PDE3A: variants seen among roughly 807,000 people sequenced by gnomAD.
The protein encoded by PDE3A is cGMP-inhibited 3',5'-cyclic phosphodiesterase 3A.
PDE3A carries 43 observed loss-of-function variants against 98.3 expected under a neutral mutation model. That is an observed-to-expected ratio of 0.44 (90% CI 0.34 to 0.56). PDE3A has a LOEUF of 0.56. Ranked by LOEUF, PDE3A falls within the 20% of genes least tolerant of loss-of-function variation. PDE3A has a pLI of 0.01. For missense variants in PDE3A, 1,427 were observed against 1,440.7 expected (o/e 0.99, Z 0.15); for synonymous variants, 663 against 567.9 (o/e 1.17, Z -2.38).
intron 1 of PDE3A, among the ~76,000 whole-genome samples, chr12:20,373,364 C>G (rs1483451834): frequency 6.6e-6 from 1 of 151,950 alleles, no homozygotes; most frequent in African/African-American, 2.4e-5. Flanking sequence ...GTGCCCTCGG[C>G]CCGAAACATG....
chr12:20,499,282 G>T (rs946898422), intron 1 of PDE3A, among the ~76,000 whole-genome samples: 1 of 152,084 alleles, frequency 6.6e-6, no homozygotes, highest in Non-Finnish European at 1.5e-5. Flanking sequence ...GGCTACTGTG[G>T]ACTTGTTTGA....
intron 1 of PDE3A, among the ~76,000 whole-genome samples, chr12:20,448,358 T>C (rs1275213407): frequency 6.6e-6 from 1 of 152,064 alleles, no homozygotes; most frequent in Non-Finnish European, 1.5e-5. Context: ...GGAGAATCGA[T>C]TGAACCCGGG....
chr12:20,662,007 C>T (rs984607044), intron 15 of PDE3A, among the ~76,000 whole-genome samples: 4 of 152,298 alleles, frequency 2.6e-5, no homozygotes, highest in Non-Finnish European at 5.9e-5. Flanking sequence ...TGAAAGCATC[C>T]ATGAGGGAGG....
chr12:20,443,927 C>T (rs1158954188), intron 1 of PDE3A, among the ~76,000 whole-genome samples: 1 of 152,092 alleles, frequency 6.6e-6, no homozygotes, highest in Non-Finnish European at 1.5e-5. Context: ...GGTTTATCTC[C>T]ATTTAAAGGC....
rs1945900511 is a variant in PDE3A at position 20,684,582 on chromosome 12, G to A, written c.*4311G>A. Among the ~76,000 whole-genome samples, 1 of 152,148 alleles carries A rather than the reference G, an allele frequency of 6.6e-6. No homozygotes were observed. Among genetic ancestry groups the A allele is most frequent in the African/African-American group, 2.4e-5 (1 of 41,428 alleles). ...TGAGTTTATTTCATTGATCGAACAA[G>A]CAGCAACACATTTTATGACCATTGT... On this transcript the variant is annotated 3_prime_UTR_variant, in exon 16 of 16. Coordinates refer to ENST00000359062, the MANE Select transcript of PDE3A (RefSeq NM_000921.5).
At chr12:20,661,533 G>GTT (rs1419168392) in intron 15 of PDE3A, among the ~76,000 whole-genome samples, 1 of 152,132 alleles carries the variant, frequency 6.6e-6, no homozygotes, top group East Asian at 1.9e-4. Flanking sequence ...GGTTTAATGG[G>GTT]CTGGGTTCAG....
chr12:20,594,751 T>G (rs1943424234), intron 2 of PDE3A, among the ~76,000 whole-genome samples: 1 of 152,122 alleles, frequency 6.6e-6, no homozygotes, highest in African/African-American at 2.4e-5. Context: ...AATGAGTCAC[T>G]TGGCTAAGAG....
chr12:20,534,499 G>A (rs192429283), intron 1 of PDE3A, among the ~76,000 whole-genome samples: 15 of 152,268 alleles, frequency 9.9e-5, no homozygotes, highest in Middle Eastern at 3.4e-3. Flanking sequence ...TGTATGCCAC[G>A]AAATAAGTGT....
chr12:20,393,704 T>C (rs920941056), intron 1 of PDE3A, among the ~76,000 whole-genome samples: 1 of 152,058 alleles, frequency 6.6e-6, no homozygotes, highest in Non-Finnish European at 1.5e-5. Context: ...TTTGATGCAC[T>C]AAATTCTGTG....
chr12:20,540,734 G>A (rs1477135783), intron 1 of PDE3A, among the ~76,000 whole-genome samples: 6 of 151,936 alleles, frequency 3.9e-5, no homozygotes, highest in Non-Finnish European at 2.9e-5. Flanking sequence ...ACAAGTAATA[G>A]GAAACTAAAG....
intron 2 of PDE3A, among the ~76,000 whole-genome samples, chr12:20,565,776 T>G (rs1472073767): frequency 6.6e-6 from 1 of 151,984 alleles, no homozygotes; most frequent in Non-Finnish European, 1.5e-5. Context: ...TTTAATTTCT[T>G]ATTAACACAT....
chr12:20,543,788 A>G (rs888949822), intron 1 of PDE3A, among the ~76,000 whole-genome samples: 4 of 152,072 alleles, frequency 2.6e-5, no homozygotes, highest in African/African-American at 9.7e-5. Flanking sequence ...TATACTTATT[A>G]ATAGTGATAA....
At chr12:20,677,370 G>C (rs1460271615) in intron 15 of PDE3A, among the ~76,000 whole-genome samples, 1 of 152,076 alleles carries the variant, frequency 6.6e-6, no homozygotes, top group African/African-American at 2.4e-5. Flanking sequence ...TTCATTTGGA[G>C]GTGTCATATT....
At chr12:20,515,167 A>G (rs1200539753) in intron 1 of PDE3A, among the ~76,000 whole-genome samples, 1 of 152,228 alleles carries the variant, frequency 6.6e-6, no homozygotes, top group Non-Finnish European at 1.5e-5. Context: ...TTAAATTTCA[A>G]CGTAAGTTTG....
At chr12:20,498,115 A>G (rs1945955357) in intron 1 of PDE3A, among the ~76,000 whole-genome samples, 1 of 152,140 alleles carries the variant, frequency 6.6e-6, no homozygotes, top group African/African-American at 2.4e-5. Context: ...TTTTCCATTT[A>G]TCCATATCAA....
intron 1 of PDE3A, among the ~76,000 whole-genome samples, chr12:20,392,910 G>A (rs1291414593): frequency 6.6e-6 from 1 of 151,962 alleles, no homozygotes; most frequent in Non-Finnish European, 1.5e-5. Context: ...CTTATATGTG[G>A]GAGCCTAAAA....
At chr12:20,406,770 A>T (rs938875488) in intron 1 of PDE3A, among the ~76,000 whole-genome samples, 1 of 152,114 alleles carries the variant, frequency 6.6e-6, no homozygotes, top group African/African-American at 2.4e-5. Flanking sequence ...TCATACCCAT[A>T]AAATCATTGC....
At chr12:20,497,265 C>A (rs1185366743) in intron 1 of PDE3A, among the ~76,000 whole-genome samples, 1 of 151,818 alleles carries the variant, frequency 6.6e-6, no homozygotes, top group Non-Finnish European at 1.5e-5. Context: ...TAACTTATCT[C>A]AATTGAAAAA....
At chr12:20,488,656 G>A (rs1207683739) in intron 1 of PDE3A, among the ~76,000 whole-genome samples, 1 of 151,942 alleles carries the variant, frequency 6.6e-6, no homozygotes, top group Non-Finnish European at 1.5e-5. Context: ...GACACAGTGA[G>A]ACATCTTTAC....
Sources: allele counts gnomAD v4.1 joint callset (sites outside exome capture counted in the v4.1 genomes callset), GRCh38; gene constraint gnomAD v4.1.1; transcripts MANE v1.5; gene names NCBI Gene and HGNC (gene_info 2026-07-23, HGNC 2026-07-21).